MATN2: variants seen among roughly 807,000 people sequenced by gnomAD.
MATN2 encodes matrilin-2.
MATN2 carries 69 observed loss-of-function variants against 103.2 expected under a neutral mutation model. The ratio of observed to expected loss-of-function variants is 0.67; its 90% CI spans 0.55 to 0.82. The LOEUF (loss-of-function observed/expected upper bound fraction) is 0.82. Ranked by LOEUF, MATN2 falls within the 40% of genes least tolerant of loss-of-function variation. MATN2 has a pLI of 0.00. For synonymous variants in MATN2, 429 were observed against 450.2 expected, an observed-to-expected ratio of 0.95 and a Z score of 0.60; for missense variants, 1,023 against 1,211.5, an observed-to-expected ratio of 0.84 and a Z score of 2.31.
chr8:97,903,780 A>G (rs1268640114), intron 2 of MATN2, among the ~76,000 whole-genome samples: 1 of 152,204 alleles, frequency 6.6e-6, no homozygotes, highest in Admixed American at 6.5e-5. Context: ...AGTGTGGTTG[A>G]CTAGGAGGCT....
intron 2 of MATN2, among the ~76,000 whole-genome samples, chr8:97,907,563 C>T (rs1819221227): frequency 6.6e-6 from 1 of 151,396 alleles, no homozygotes; most frequent in African/African-American, 2.4e-5. Context: ...ACCTCGTGAT[C>T]CACCCGCCTC....
chr8:97,941,679 C>T, intron 3 of MATN2, 98 bp from the exon 4 acceptor site: 1 of 1,368,724 alleles, frequency 7.3e-7, no homozygotes, highest in Non-Finnish European at 1.0e-6. Context: ...TGAGTCCTGC[C>T]CAGAGGAGAG....
intron 2 of MATN2, among the ~76,000 whole-genome samples, chr8:97,893,173 A>G (rs1365069815): frequency 1.3e-5 from 2 of 152,212 alleles, no homozygotes; most frequent in African/African-American, 2.4e-5. Context: ...GGCAAAGAGC[A>G]GGGATCTAAA....
intron 6 of MATN2, among the ~76,000 whole-genome samples, chr8:97,983,547 T>C (rs910633568): frequency 6.6e-6 from 1 of 152,198 alleles, no homozygotes; most frequent in African/African-American, 2.4e-5. Context: ...GGGATTCATG[T>C]CTTTGGTAGC....
intron 7 of MATN2, among the ~76,000 whole-genome samples, chr8:97,998,213 T>A (rs1404999229): frequency 6.6e-6 from 1 of 150,928 alleles, no homozygotes; most frequent in African/African-American, 2.4e-5. Flanking sequence ...ATCTCATGTG[T>A]AAATCATTCT....
chr8:97,871,936 G>T (rs1414066802), intron 1 of MATN2, among the ~76,000 whole-genome samples: 2 of 152,218 alleles, frequency 1.3e-5, no homozygotes, highest in African/African-American at 2.4e-5. Flanking sequence ...TGCAGTTCTA[G>T]CCCCTCATAC....
chr8:98,003,698 G>A lies in MATN2; in HGVS notation c.1242G>A (p.Glu414=), dbSNP rs1261972021. ...NYCALNKPGC[E]HECVNMEESY... The stretch of plus-strand genomic sequence containing the variant: ...GTGCACTGAACAAACCGGGCTGTGA[G>A]CATGAGTGCGTCAACATGGAGGAGA... The change falls in exon 8 of 19, where the codon GAG becomes GAA. Residue 414 remains glutamate, a synonymous_variant. Transcript: ENST00000254898. 2 of 1,613,806 alleles carry A rather than the reference G, an allele frequency of 1.2e-6. No individual in the cohort carries two copies. Among genetic ancestry groups the A allele is most frequent in the East Asian group, 2.2e-5 (1 of 44,874 alleles).
intron 5 of MATN2, among the ~76,000 whole-genome samples, chr8:97,963,132 TCAAA>T (rs940500299): frequency 2.5e-4 from 38 of 152,304 alleles, no homozygotes; most frequent in African/African-American, 7.9e-4. Flanking sequence ...GAGACTCATC[TCAAA>T]CAAACAAACA....
intron 4 of MATN2, among the ~76,000 whole-genome samples, chr8:97,953,184 T>A (rs1204812550): frequency 6.6e-6 from 1 of 151,996 alleles, no homozygotes; most frequent in Non-Finnish European, 1.5e-5. Context: ...GGATTATAGG[T>A]GTGACCCATC....
chr8:97,925,094 C>T (rs1809947256), intron 2 of MATN2, among the ~76,000 whole-genome samples: 1 of 152,050 alleles, frequency 6.6e-6, no homozygotes, highest in South Asian at 2.1e-4. Context: ...CCAGTACAGC[C>T]ACGTGGTGGA....
At chr8:97,989,909 C>A (rs988600347) in intron 6 of MATN2, among the ~76,000 whole-genome samples, 5 of 152,004 alleles carry the variant, frequency 3.3e-5, no homozygotes, top group African/African-American at 1.2e-4. Context: ...AGGCTGGGCA[C>A]GGTGGCTCAT....
intron 5 of MATN2, among the ~76,000 whole-genome samples, chr8:97,970,943 G>GAATAA (rs533927908): frequency 6.6e-6 from 1 of 151,900 alleles, no homozygotes. Flanking sequence ...CCCTGCCTCA[G>GAATAA]AATAAAATAA....
At position 98,007,798 on chromosome 8, in the gene MATN2, G is replaced by A. The variant is rs557729721; in HGVS notation, c.1573+197G>A. Among the ~76,000 whole-genome samples the A allele has an allele frequency of 5.9e-5, 9 of 152,146 alleles. No individual in the cohort carries two copies. The highest frequency in any genetic ancestry group is 4.2e-4 in the South Asian group (2 of 4,808). On this transcript the variant is annotated intron_variant, in intron 10 of 18. Coordinates refer to ENST00000254898, the MANE Select transcript of MATN2 (RefSeq NM_002380.5). The surrounding 1 kb of genome is among the most constrained non-coding windows in gnomAD (Gnocchi z 4.2). ...AACTCCCCTCAATCTTCCTTCCCCC[G>A]TGCCCTGAAGTGGCTTTTTGCTGTT...
At chr8:97,963,151 A>C (rs1171389523) in intron 5 of MATN2, among the ~76,000 whole-genome samples, 3 of 152,216 alleles carry the variant, frequency 2.0e-5, no homozygotes, top group Non-Finnish European at 4.4e-5. Context: ...CAAACAAATA[A>C]ACAAAAAACA....
chr8:98,034,268 G>T, intron 18 of MATN2: 1 of 438,028 alleles, frequency 2.3e-6, no homozygotes, highest in Non-Finnish European at 4.6e-6. Flanking sequence ...TAAATAAAAG[G>T]AATGCTTGGG....
At chr8:97,946,969 T>C (rs963648985) in intron 4 of MATN2, among the ~76,000 whole-genome samples, 16 of 152,184 alleles carry the variant, frequency 1.1e-4, no homozygotes, top group Non-Finnish European at 2.1e-4. Context: ...TTCTTAAAAA[T>C]TTAGCAAATA....
chr8:98,035,981 G>A lies in MATN2; in HGVS notation c.*269G>A. On this transcript the variant is annotated 3_prime_UTR_variant, in exon 19 of 19. Coordinates refer to ENST00000254898, the MANE Select transcript of MATN2 (RefSeq NM_002380.5). ...TGCAAGGTATTTTGTAATATACTGT[G>A]GACACAACTTGCTTCTGCCTCATCC... 3.2e-6 allele frequency: 1 copy of A among 308,410 alleles called. No individual in the cohort carries two copies. Among genetic ancestry groups the A allele is most frequent in the Non-Finnish European group, 5.9e-6 (1 of 169,854 alleles). The allele number at this position is 308,410 out of a possible 1,614,324, so 19.1% of individuals were successfully genotyped here. A position where few individuals can be genotyped will look rare whatever the true frequency, so the allele number is the denominator to read the frequency against.
At chr8:97,892,009 G>T (rs1199214111) in intron 2 of MATN2, among the ~76,000 whole-genome samples, 1 of 152,008 alleles carries the variant, frequency 6.6e-6, no homozygotes, top group East Asian at 1.9e-4. Context: ...GGCTGAGGTG[G>T]GCAGATCACT....
chr8:97,890,328 G>A (rs1818584917), intron 2 of MATN2, among the ~76,000 whole-genome samples: 1 of 152,172 alleles, frequency 6.6e-6, no homozygotes. Context: ...AGCTGGGCAT[G>A]GTGGCGGGTG....
Sources: allele counts gnomAD v4.1 joint callset (sites outside exome capture counted in the v4.1 genomes callset), GRCh38; gene constraint gnomAD v4.1.1; non-coding constraint Gnocchi (gnomAD v3.1); transcripts MANE v1.5; gene names NCBI Gene and HGNC (gene_info 2026-07-23, HGNC 2026-07-21).